NWD2: variants seen among roughly 807,000 people sequenced by gnomAD.
The protein encoded by NWD2 is NACHT and WD repeat domain containing 2.
NWD2 carries 37 observed loss-of-function variants against 132.7 expected under a neutral mutation model. The ratio of observed to expected loss-of-function variants is 0.28; its 90% CI spans 0.21 to 0.37. NWD2 has a LOEUF of 0.37. Among genes scored for constraint, NWD2 ranks in the 10% least tolerant of loss-of-function variants. The pLI is 1.00. For synonymous variants in NWD2, 705 were observed against 803.0 expected (o/e 0.88, Z 2.06); for missense variants, 1,592 against 2,122.4 (o/e 0.75, Z 4.91).
intron 1 of NWD2, among the ~76,000 whole-genome samples, chr4:37,259,964 C>G (rs1560379037): frequency 6.6e-6 from 1 of 152,208 alleles, no homozygotes; most frequent in Non-Finnish European, 1.5e-5. Flanking sequence ...AAATCGAATA[C>G]TGTTTGTACT....
At chr4:37,275,455 T>C (rs1358713430) in intron 1 of NWD2, among the ~76,000 whole-genome samples, 1 of 152,150 alleles carries the variant, frequency 6.6e-6, no homozygotes, top group Non-Finnish European at 1.5e-5. Context: ...GAACACTCCA[T>C]GCTCATGGGT....
chr4:37,329,564 A>G (rs543114125), intron 2 of NWD2, among the ~76,000 whole-genome samples: 6 of 152,182 alleles, frequency 3.9e-5, no homozygotes, highest in African/African-American at 7.2e-5. Flanking sequence ...TATTCTAGGA[A>G]CAATCACACT....
intron 1 of NWD2, among the ~76,000 whole-genome samples, chr4:37,287,562 C>A (rs1427286105): frequency 6.6e-6 from 1 of 152,200 alleles, no homozygotes; most frequent in African/African-American, 2.4e-5. Context: ...GACCCTGACA[C>A]ATCCTTCCAC....
rs149344002 is a variant in NWD2, at chr4:37,360,583, C to T, written c.357+4101C>T. ...CAGCCCCTAGCAGGGAGACAAATCA[C>T]AGCTGAGTAACAAAATCATCTTCAT... On this transcript the variant is annotated intron_variant, in intron 3 of 6. Coordinates refer to ENST00000309447, the MANE Select transcript of NWD2 (RefSeq NM_001144990.2). Among the ~76,000 whole-genome samples, 18 of 152,320 alleles carry T rather than the reference C, an allele frequency of 1.2e-4. No individual in the cohort carries two copies. The East Asian group carries it at 3.3e-3, about 28-fold the overall frequency.
In NWD2 at chr4:37,387,743, T is replaced by G. The variant is rs142149523; in HGVS notation, c.357+31261T>G. Among the ~76,000 whole-genome samples the G allele has an allele frequency of 8.1e-3, 1,180 of 146,086 alleles. 11 individuals carry two copies. The highest frequency in any genetic ancestry group is 0.028 in the African/African-American group (1,116 of 39,182). On this transcript the variant is annotated intron_variant, in intron 3 of 6. Coordinates refer to ENST00000309447, the MANE Select transcript of NWD2 (RefSeq NM_001144990.2). ...AGGCTGGAGTGCAATGGCGCGATCT[T>G]GGCTCACTGCAACCTCTGTCTTCCA... is the stretch of plus-strand genomic sequence containing the variant.
intron 3 of NWD2, among the ~76,000 whole-genome samples, chr4:37,426,451 TA>T (rs958469709): frequency 3.3e-5 from 5 of 152,228 alleles, no homozygotes; most frequent in African/African-American, 4.8e-5. Context: ...GGGATGAGGA[TA>T]TTTTTTCTTC....
chr4:37,432,621 TGGGA>T (rs1309596785), intron 4 of NWD2, among the ~76,000 whole-genome samples: 12 of 152,178 alleles, frequency 7.9e-5, no homozygotes, highest in Admixed American at 7.9e-4. Flanking sequence ...TTGTTTTCTG[TGGGA>T]GGAAGTCCTT....
In NWD2 at chr4:37,446,473, G is replaced by A. The variant is rs1712638289; in HGVS notation, c.4485G>A (p.Val1495=). The A allele has an allele frequency of 6.4e-7, 1 of 1,551,702 alleles. No homozygotes were observed. The highest frequency in any genetic ancestry group is 8.7e-7 in the Non-Finnish European group (1 of 1,147,014). ...KLIPDCPDII[V]FITSAETVNI... is the part of the protein sequence containing the mutation. ...TCCCTGACTGTCCTGATATCATCGTGTTTATCACATCGGCCGAGACTGTGA... is the reference window on the plus strand; with the variant it reads ...TCCCTGACTGTCCTGATATCATCGTATTTATCACATCGGCCGAGACTGTGA... The change falls in exon 7 of 7, where the codon GTG becomes GTA. Residue 1495 remains valine (V), a synonymous_variant. Coordinates refer to ENST00000309447, the MANE Select transcript of NWD2 (RefSeq NM_001144990.2). The surrounding 1 kb of genome is among the most constrained non-coding windows in gnomAD (Gnocchi z 6.7).
intron 6 of NWD2, among the ~76,000 whole-genome samples, chr4:37,441,908 C>T (rs1473875030): frequency 6.6e-6 from 1 of 152,180 alleles, no homozygotes; most frequent in Non-Finnish European, 1.5e-5. Context: ...CTGCTCTCTA[C>T]AGACATCACA....
At chr4:37,437,772 G>C (rs543894226) in intron 5 of NWD2, among the ~76,000 whole-genome samples, 2 of 151,930 alleles carry the variant, frequency 1.3e-5, no homozygotes, top group Non-Finnish European at 2.9e-5. Context: ...TTTTCTTATG[G>C]GGACACAAAT....
intron 3 of NWD2, among the ~76,000 whole-genome samples, chr4:37,387,266 C>T (rs1720582632): frequency 6.6e-6 from 1 of 151,654 alleles, no homozygotes; most frequent in Admixed American, 6.6e-5. Flanking sequence ...CCAACATAGC[C>T]AAAATATTGC....
At position 37,444,250 on chromosome 4, in the gene NWD2, A is replaced by G. The variant is rs1201646381; in HGVS notation, c.2262A>G (p.Glu754=). ...LYLQDDNDLR[E]MHTILADYFL... ...TGCAGGATGACAATGACCTGCGTGA[A>G]ATGCACACCATCTTAGCAGATTATT... The change falls in exon 7 of 7, where the codon GAA becomes GAG. Residue 754 remains glutamate, a synonymous_variant. Coordinates refer to ENST00000309447, the MANE Select transcript of NWD2 (RefSeq NM_001144990.2). The surrounding 1 kb of genome is among the most constrained non-coding windows in gnomAD (Gnocchi z 4.8). The G allele has an allele frequency of 1.3e-6, 2 of 1,551,720 alleles. No homozygotes were observed. The highest frequency in any genetic ancestry group is 3.9e-5 in the Admixed American group (2 of 51,000).
chr4:37,299,376 C>T (rs1718565736), intron 1 of NWD2, among the ~76,000 whole-genome samples: 1 of 152,052 alleles, frequency 6.6e-6, no homozygotes, highest in South Asian at 2.1e-4. Flanking sequence ...GTAATAAACT[C>T]CATGTCTTTT....
chr4:37,430,766 T>C lies in NWD2; in HGVS notation c.552T>C (p.Asn184=), dbSNP rs889746022. 3.9e-6 allele frequency: 6 copies of C among 1,551,404 alleles called. No individual in the cohort carries two copies. Among genetic ancestry groups the C allele is most frequent in the South Asian group, 1.2e-5 (1 of 84,048 alleles). Residue 184 remains asparagine (N), a synonymous_variant, in exon 4 of 7, where the codon AAT becomes AAC. Transcript: ENST00000309447. The part of the protein sequence containing the change: ...LRPKSEMLRS[N]RNAMQPSTNA... ...CCAAGTCAGAAATGCTGAGAAGCAA[T>C]AGAAATGCAGTAAGCTGCCTTTCCC... is the stretch of plus-strand genomic sequence containing the variant.
Position 37,445,238 on chromosome 4 carries a change from A to G in NWD2, c.3250A>G (p.Ile1084Val), listed in dbSNP as rs1712602051. ...WLEASKDVTV[I>V]DLLYGWPLYQ... Reference sequence around the variant, plus strand: ...CGAAGCCAGCAAAGATGTCACTGTCATCGATCTGCTGTACGGATGGCCGCT... The same window carrying G: ...CGAAGCCAGCAAAGATGTCACTGTCGTCGATCTGCTGTACGGATGGCCGCT... The change falls in exon 7 of 7, where the codon ATC (isoleucine) becomes GTC (valine). Residue 1084 changes from isoleucine to valine, a missense_variant. Physicochemically the swap from Ile to Val is conservative, Grantham distance 29. Around this residue, in one of 7 missense-constraint regions of NWD2, gnomAD observed 1,071 missense variants for 1,398.0 expected, o/e 0.77. Transcript: ENST00000309447. The surrounding 1 kb of genome is among the most constrained non-coding windows in gnomAD (Gnocchi z 4.7). 1.3e-6 allele frequency: 2 copies of G among 1,551,898 alleles called. No individual in the cohort carries two copies. Among genetic ancestry groups the G allele is most frequent in the East Asian group, 2.4e-5 (1 of 40,922 alleles).
chr4:37,303,575 AC>A (rs1043229168), intron 1 of NWD2, among the ~76,000 whole-genome samples: 2 of 151,776 alleles, frequency 1.3e-5, no homozygotes, highest in African/African-American at 4.9e-5. Flanking sequence ...CAATTCAAAA[AC>A]GTGATTTTTT....
rs147892968 is a variant in NWD2 at position 37,442,048 on chromosome 4, C to T, written c.1297-1237C>T. Among the ~76,000 whole-genome samples, 507 of 152,262 alleles carry T rather than the reference C, an allele frequency of 3.3e-3. 2 individuals are homozygous for T. The highest frequency in any genetic ancestry group is 0.011 in the African/African-American group (442 of 41,556). ...AGTTGTTGAATGACAAGATTATCTTCCTTGAAATCAGCTTCAAAGGTTGAG... is the reference window on the plus strand; with the variant it reads ...AGTTGTTGAATGACAAGATTATCTTTCTTGAAATCAGCTTCAAAGGTTGAG... On this transcript the variant is annotated intron_variant, in intron 6 of 6. Transcript: ENST00000309447.
intron 1 of NWD2, among the ~76,000 whole-genome samples, chr4:37,303,562 T>A (rs1390507311): frequency 6.6e-6 from 1 of 152,106 alleles, no homozygotes; most frequent in Non-Finnish European, 1.5e-5. Flanking sequence ...TTTGACAGTC[T>A]TCCAATTCAA....
intron 1 of NWD2, among the ~76,000 whole-genome samples, chr4:37,288,230 A>G (rs1471828075): frequency 1.3e-5 from 2 of 152,252 alleles, no homozygotes; most frequent in African/African-American, 4.8e-5. Context: ...ACATATACCT[A>G]TGTAACAACC....
Sources: allele counts gnomAD v4.1 joint callset (sites outside exome capture counted in the v4.1 genomes callset), GRCh38; gene constraint gnomAD v4.1.1; regional missense constraint gnomAD v4.1.1; non-coding constraint Gnocchi (gnomAD v3.1); transcripts MANE v1.5; gene names NCBI Gene and HGNC (gene_info 2026-07-23, HGNC 2026-07-21).